Variants in TTLL11 observed in about 807,000 individuals in gnomAD.
TTLL11 encodes tubulin polyglutamylase TTLL11.
In TTLL11, 42 loss-of-function variants were observed where a neutral mutation model predicts 51.7. The ratio of observed to expected loss-of-function variants is 0.81; its 90% CI spans 0.64 to 1.05. The LOEUF is 1.05. Among genes scored for constraint, TTLL11 ranks in the 50% least tolerant of loss-of-function variants. TTLL11 has a pLI of 0.00. For missense variants in TTLL11, 799 were observed against 940.4 expected (o/e 0.85, Z 1.97); for synonymous variants, 381 against 383.5 (o/e 0.99, Z 0.08).
intron 6 of TTLL11, among the ~76,000 whole-genome samples, chr9:121,963,066 C>G (rs1842287278): frequency 6.6e-6 from 1 of 152,208 alleles, no homozygotes; most frequent in Admixed American, 6.5e-5. Context: ...CTCTCATAAG[C>G]AGGTGGACTT....
At chr9:121,858,508 G>A (rs4836866) in intron 8 of TTLL11, among the ~76,000 whole-genome samples, 110,017 of 151,838 alleles carry the variant, frequency 0.72, 40,081 homozygotes, top group Middle Eastern at 0.81. Flanking sequence ...CTGGCAGCCA[G>A]GAGCATCACT....
chr9:121,822,841 G>A lies in TTLL11; in HGVS notation c.1879C>T (p.Leu627=). ...AGCATCTTGAACTTCCTCTGAGCCA[G>A]GAAAAAGAAAGCTTCTACGAAGGCC... ...LQAFVEAFFF[L]AQRKFKMLPL... The change falls in exon 9 of 9, where the codon CTG becomes TTG. Residue 627 remains leucine (L), a synonymous_variant. Transcript: ENST00000321582. This position sits in a 1 kb window ranked among gnomAD's most constrained non-coding sequence, Gnocchi z 5.8. 6.4e-7 allele frequency: 1 copy of A among 1,551,286 alleles called. No homozygotes were observed. The highest frequency in any genetic ancestry group is 8.7e-7 in the Non-Finnish European group (1 of 1,146,854).
rs1230489015 is a variant in TTLL11, at chr9:121,826,555, G to GTATATATATATATA, written c.1841-3677_1841-3676insTATATATATATATA. On this transcript the variant is annotated intron_variant, in intron 8 of 8. Transcript: ENST00000321582. ...TGTGTGTGTATATATATATATGTGT[G>GTATATATATATATA]TGTATATATATATATATATATATAT... 3.5e-3 allele frequency among the ~76,000 whole-genome samples: 170 copies of GTATATATATATATA among 48,100 alleles called. 8 individuals carry two copies. Among genetic ancestry groups the GTATATATATATATA allele is most frequent in the African/African-American group, 0.015 (161 of 10,538 alleles). The allele number at this position is 48,100 out of a possible 152,430, so 31.6% of individuals were successfully genotyped here. A position where few individuals can be genotyped will look rare whatever the true frequency, so the allele number is the denominator to read the frequency against.
intron 7 of TTLL11, among the ~76,000 whole-genome samples, chr9:121,870,023 T>G (rs927074073): frequency 8.5e-5 from 13 of 152,204 alleles, no homozygotes; most frequent in Non-Finnish European, 1.5e-4. Context: ...GCCATGCTAT[T>G]TTTATATTAG....
At chr9:122,048,675 T>A (rs1343812162) in intron 1 of TTLL11, among the ~76,000 whole-genome samples, 1 of 152,170 alleles carries the variant, frequency 6.6e-6, no homozygotes, top group Non-Finnish European at 1.5e-5. Context: ...CTAATTTCGA[T>A]CCTTTAAGGA....
At chr9:121,873,638 TC>T (rs767183703) in intron 6 of TTLL11, among the ~76,000 whole-genome samples, 63,540 of 135,028 alleles carry the variant, frequency 0.47, 15,057 homozygotes, top group East Asian at 0.82. Flanking sequence ...CTCCTCCTCC[TC>T]CTCTCTTCTT....
intron 4 of TTLL11, among the ~76,000 whole-genome samples, chr9:121,983,490 G>T (rs1341796334): frequency 2.6e-5 from 4 of 152,146 alleles, no homozygotes; most frequent in Admixed American, 2.6e-4. Context: ...GTGAATAGGG[G>T]GACACCTTTC....
At chr9:122,039,785 C>CA (rs750627710) in intron 1 of TTLL11, among the ~76,000 whole-genome samples, 9 of 152,060 alleles carry the variant, frequency 5.9e-5, no homozygotes, top group Admixed American at 3.9e-4. Flanking sequence ...ATTCCAAGCC[C>CA]ATACATCCCT....
chr9:121,823,131 C>T (rs1268881826), intron 8 of TTLL11, among the ~76,000 whole-genome samples: 1 of 152,212 alleles, frequency 6.6e-6, no homozygotes, highest in Non-Finnish European at 1.5e-5. Context: ...GTTCGGTTAA[C>T]CCTATTTTGC....
In TTLL11 at chr9:122,089,092, T is replaced by G. The variant is rs935949810; in HGVS notation, c.462+3595A>C. On this transcript the variant is annotated intron_variant, in intron 1 of 8. Transcript: ENST00000321582. ...AGCTGAGCAAACTTCTGAATTCACATGCTGGCTCAGTCCTACCCTGTTAAA... is the reference window on the plus strand; with the variant it reads ...AGCTGAGCAAACTTCTGAATTCACAGGCTGGCTCAGTCCTACCCTGTTAAA... 5.5e-4 allele frequency among the ~76,000 whole-genome samples: 84 copies of G among 151,430 alleles called. 1 individual carries two copies. Among genetic ancestry groups the G allele is most frequent in the Non-Finnish European group, 1.2e-4 (8 of 67,988 alleles).
At chr9:122,030,213 G>GC (rs1360427894) in intron 3 of TTLL11, among the ~76,000 whole-genome samples, 8 of 135,750 alleles carry the variant, frequency 5.9e-5, no homozygotes, top group African/African-American at 7.9e-5. Context: ...GGGGGGGGGG[G>GC]GGTAATTATG....
chr9:122,047,828 T>A (rs888899112), intron 1 of TTLL11, among the ~76,000 whole-genome samples: 6 of 152,182 alleles, frequency 3.9e-5, no homozygotes, highest in African/African-American at 1.4e-4. Flanking sequence ...TATGCATTTC[T>A]AGGGCTAGGG....
chr9:122,069,375 G>A (rs1313847253), intron 1 of TTLL11, among the ~76,000 whole-genome samples: 5 of 152,130 alleles, frequency 3.3e-5, no homozygotes, highest in Admixed American at 1.3e-4. Context: ...AGGGGTTCAG[G>A]ACAGAAGACA....
chr9:121,954,881 T>C (rs1162883025), intron 6 of TTLL11, among the ~76,000 whole-genome samples: 1 of 152,200 alleles, frequency 6.6e-6, no homozygotes, highest in Non-Finnish European at 1.5e-5. Context: ...AGATAATAAA[T>C]CACATGCATT....
intron 6 of TTLL11, among the ~76,000 whole-genome samples, chr9:121,922,204 C>A (rs1840568900): frequency 6.6e-6 from 1 of 152,156 alleles, no homozygotes; most frequent in South Asian, 2.1e-4. Context: ...TAGGAAACTT[C>A]TTTAGACCAT....
At chr9:122,080,442 G>C (rs371242149) in intron 1 of TTLL11, among the ~76,000 whole-genome samples, 18 of 152,086 alleles carry the variant, frequency 1.2e-4, no homozygotes, top group African/African-American at 4.3e-4. Flanking sequence ...CTAGCAATCT[G>C]GGAGGCTCAA....
intron 8 of TTLL11, among the ~76,000 whole-genome samples, chr9:121,826,465 GTGTATATATATATA>G (rs1241848030): frequency 2.4e-4 from 19 of 77,936 alleles, no homozygotes; most frequent in African/African-American, 1.0e-3. Context: ...ATATATATGT[GTGTATATATATATA>G]TGTATATATA....
intron 6 of TTLL11, among the ~76,000 whole-genome samples, chr9:121,892,144 A>G (rs562030054): frequency 6.8e-6 from 1 of 147,118 alleles, no homozygotes; most frequent in Non-Finnish European, 1.5e-5. Flanking sequence ...ATATATATAC[A>G]CACATACATA....
At chr9:121,883,219 T>C (rs1588092579) in intron 6 of TTLL11, among the ~76,000 whole-genome samples, 2 of 152,282 alleles carry the variant, frequency 1.3e-5, no homozygotes, top group East Asian at 1.9e-4. Context: ...TGTGTGGCCT[T>C]AGGAAATGGA....
Sources: gnomAD v4.1 joint callset for allele counts (sites outside exome capture counted in the v4.1 genomes callset) on GRCh38, gnomAD v4.1.1 for gene constraint, Gnocchi (gnomAD v3.1) non-coding constraint, MANE v1.5 for transcripts, NCBI Gene and HGNC (gene_info 2026-07-23, HGNC 2026-07-21) for gene names.